ANKS1B: variants seen among roughly 807,000 people sequenced by gnomAD.
ANKS1B encodes ankyrin repeat and sterile alpha motif domain-containing protein 1B.
A neutral mutation model predicts 148.3 loss-of-function variants in ANKS1B; 36 were observed. That is an observed-to-expected ratio of 0.24 (90% CI 0.19 to 0.32). The LOEUF (loss-of-function observed/expected upper bound fraction) is 0.32. ANKS1B is among the 10% of genes least tolerant of loss of function. The probability of loss-of-function intolerance (pLI) is 1.00; values close to 1 mark genes in which losing one functional copy is unlikely to be tolerated. For missense variants in ANKS1B, 1,157 were observed against 1,542.6 expected, an observed-to-expected ratio of 0.75 and a Z score of 4.19; for synonymous variants, 542 against 560.8, an observed-to-expected ratio of 0.97 and a Z score of 0.47.
At chr12:98,858,577 T>C (rs1595665037) in intron 17 of ANKS1B, among the ~76,000 whole-genome samples, 1 of 152,206 alleles carries the variant, frequency 6.6e-6, no homozygotes, top group African/African-American at 2.4e-5. Context: ...TGGGCTCAAG[T>C]GATCCGCTCG....
intron 8 of ANKS1B, among the ~76,000 whole-genome samples, chr12:99,743,596 C>A (rs1172761221): frequency 6.6e-6 from 1 of 152,082 alleles, no homozygotes; most frequent in Non-Finnish European, 1.5e-5. Context: ...GGAGAGGTAC[C>A]TTTATGCTGA....
intron 1 of ANKS1B, among the ~76,000 whole-genome samples, chr12:99,900,023 C>G (rs1792121693): frequency 6.6e-6 from 1 of 151,866 alleles, no homozygotes; most frequent in Non-Finnish European, 1.5e-5. Flanking sequence ...CTCAGCCTCC[C>G]AAGTAGCTGG....
At chr12:99,954,647 C>A (rs1200980194) in intron 1 of ANKS1B, among the ~76,000 whole-genome samples, 1 of 152,158 alleles carries the variant, frequency 6.6e-6, no homozygotes, top group African/African-American at 2.4e-5. Context: ...ACAGCAGCCA[C>A]TTGATTCATT....
At chr12:99,012,275 G>C (rs2099939883) in intron 17 of ANKS1B, among the ~76,000 whole-genome samples, 1 of 152,190 alleles carries the variant, frequency 6.6e-6, no homozygotes. Flanking sequence ...ATAGACATGA[G>C]GAAACAGCTT....
chr12:99,479,727 GT>G (rs2096380367), intron 10 of ANKS1B, among the ~76,000 whole-genome samples: 1 of 151,908 alleles, frequency 6.6e-6, no homozygotes, highest in Admixed American at 6.6e-5. Context: ...CGTTGGAGAG[GT>G]GGGTGGAAGG....
chr12:98,948,946 A>ATTTTTTTTTTTTT (rs1567958669), intron 17 of ANKS1B, among the ~76,000 whole-genome samples: 2 of 89,172 alleles, frequency 2.2e-5, no homozygotes, highest in African/African-American at 1.6e-4. Context: ...AGCATGAGCT[A>ATTTTTTTTTTTTT]CTTTTTTTTT....
In ANKS1B at chr12:99,935,010, AT is replaced by A. The variant is rs530942212; in HGVS notation, c.134+49093del. On this transcript the variant is annotated intron_variant, in intron 1 of 26. Coordinates refer to ENST00000683438, the MANE Select transcript of ANKS1B (RefSeq NM_001352186.2). ...ATATACTATTTCCCACTGTTGGAAT[AT>A]TTGAATGTATATACAGTCCTTTCTA... Among the ~76,000 whole-genome samples the A allele has an allele frequency of 2.4e-4, 36 of 152,234 alleles. 1 individual carries two copies. The South Asian group carries it at 3.7e-3, about 16-fold the overall frequency.
intron 4 of ANKS1B, among the ~76,000 whole-genome samples, chr12:99,792,413 C>T (rs1164846011): frequency 1.3e-5 from 2 of 151,788 alleles, no homozygotes; most frequent in African/African-American, 2.4e-5. Flanking sequence ...TAATCTGATA[C>T]TATACCCCAA....
At chr12:99,803,891 A>G (rs1028970377) in intron 4 of ANKS1B, among the ~76,000 whole-genome samples, 1 of 152,156 alleles carries the variant, frequency 6.6e-6, no homozygotes, top group Non-Finnish European at 1.5e-5. Flanking sequence ...TCTTTGTTTT[A>G]GCATTTATTA....
chr12:99,335,900 T>C (rs924587787), intron 12 of ANKS1B, among the ~76,000 whole-genome samples: 1 of 152,158 alleles, frequency 6.6e-6, no homozygotes, highest in African/African-American at 2.4e-5. Context: ...TTCTGGATCA[T>C]ATGATAGTTC....
At chr12:99,069,183 G>C (rs2045516298) in intron 16 of ANKS1B, among the ~76,000 whole-genome samples, 1 of 152,168 alleles carries the variant, frequency 6.6e-6, no homozygotes. Flanking sequence ...TTATGCCTCT[G>C]GAGTTGCTCT....
chr12:99,481,182 C>T (rs2096404721), intron 10 of ANKS1B, among the ~76,000 whole-genome samples: 1 of 151,606 alleles, frequency 6.6e-6, no homozygotes, highest in Non-Finnish European at 1.5e-5. Flanking sequence ...TCCCTAGCTA[C>T]CCTCTCACCC....
intron 1 of ANKS1B, among the ~76,000 whole-genome samples, chr12:99,847,578 T>C (rs2086893110): frequency 6.6e-6 from 1 of 152,224 alleles, no homozygotes; most frequent in Admixed American, 6.5e-5. Context: ...CCACTCAGTC[T>C]ATTACCATTA....
At chr12:99,475,601 A>T in intron 10 of ANKS1B, among the ~76,000 whole-genome samples, 1 of 151,804 alleles carries the variant, frequency 6.6e-6, no homozygotes, top group East Asian at 1.9e-4. Context: ...CCATTTTTTT[A>T]TAATTCCATT....
At chr12:99,894,841 T>C (rs1234669124) in intron 1 of ANKS1B, among the ~76,000 whole-genome samples, 1 of 150,006 alleles carries the variant, frequency 6.7e-6, no homozygotes, top group East Asian at 1.9e-4. Flanking sequence ...TATTATAAAA[T>C]AGGCTTTGTG....
intron 9 of ANKS1B, among the ~76,000 whole-genome samples, chr12:99,587,790 A>G (rs1389582391): frequency 1.3e-5 from 2 of 152,172 alleles, no homozygotes; most frequent in Admixed American, 6.5e-5. Context: ...GTAGTTTTAC[A>G]TGGGATCTTT....
chr12:98,986,359 T>C (rs1453093529), intron 17 of ANKS1B, among the ~76,000 whole-genome samples: 3 of 152,152 alleles, frequency 2.0e-5, no homozygotes, highest in Non-Finnish European at 4.4e-5. Flanking sequence ...TACCACAGCT[T>C]GTGGATGCTC....
chr12:99,242,664 A>T (rs2089562626), intron 14 of ANKS1B, among the ~76,000 whole-genome samples: 1 of 152,230 alleles, frequency 6.6e-6, no homozygotes, highest in Non-Finnish European at 1.5e-5. Context: ...TACAGTAAAC[A>T]AAACAGCATG....
At chr12:99,378,052 G>A (rs917022801) in intron 12 of ANKS1B, among the ~76,000 whole-genome samples, 3 of 152,150 alleles carry the variant, frequency 2.0e-5, no homozygotes, top group Non-Finnish European at 4.4e-5. Context: ...AATCCAGGGT[G>A]GGACTATAAG....
Sources: allele counts gnomAD v4.1 joint callset (sites outside exome capture counted in the v4.1 genomes callset), GRCh38; gene constraint gnomAD v4.1.1; transcripts MANE v1.5; gene names NCBI Gene and HGNC (gene_info 2026-07-23, HGNC 2026-07-21).